GRXCR1: variants seen among roughly 807,000 people sequenced by gnomAD.
GRXCR1 encodes the protein glutaredoxin and cysteine rich domain containing 1.
A neutral mutation model predicts 27.3 loss-of-function variants in GRXCR1; 27 were observed. The ratio of observed to expected loss-of-function variants is 0.99; its 90% CI spans 0.73 to 1.37. GRXCR1 has a LOEUF of 1.37. GRXCR1 is among the 40% of genes most tolerant of loss of function. The pLI, the probability that GRXCR1 is intolerant of heterozygous loss-of-function variation, is 0.00. For synonymous variants in GRXCR1, 122 were observed against 131.1 expected (o/e 0.93, Z 0.47); for missense variants, 379 against 354.4 (o/e 1.07, Z -0.56).
chr4:42,987,556 C>A (rs182539879), intron 2 of GRXCR1, among the ~76,000 whole-genome samples: 7 of 151,974 alleles, frequency 4.6e-5, no homozygotes, highest in Admixed American at 1.3e-4. Flanking sequence ...GTGTTAGGAT[C>A]CACCACCTGG....
intron 1 of GRXCR1, among the ~76,000 whole-genome samples, chr4:42,935,843 A>G (rs572185377): frequency 6.6e-6 from 1 of 152,044 alleles, no homozygotes; most frequent in Non-Finnish European, 1.5e-5. Flanking sequence ...TGCCTTCTCA[A>G]AAGTTGTACA....
At chr4:42,931,233 A>G (rs1235697923) in intron 1 of GRXCR1, among the ~76,000 whole-genome samples, 4 of 152,052 alleles carry the variant, frequency 2.6e-5, no homozygotes, top group Admixed American at 2.6e-4. Flanking sequence ...TTCAATAAGT[A>G]AAATGTACAG....
intron 2 of GRXCR1, among the ~76,000 whole-genome samples, chr4:43,000,061 T>A (rs1025720299): frequency 3.9e-5 from 6 of 152,196 alleles, no homozygotes; most frequent in African/African-American, 1.4e-4. Context: ...AAATCTTAAG[T>A]TGTGCACCGT....
At chr4:42,956,477 A>G (rs2109771844) in intron 1 of GRXCR1, among the ~76,000 whole-genome samples, 1 of 152,100 alleles carries the variant, frequency 6.6e-6, no homozygotes, top group Middle Eastern at 3.4e-3. Flanking sequence ...GCCAAAGGCA[A>G]TATCATTTAA....
At chr4:42,981,697 T>C (rs899692463) in intron 2 of GRXCR1, among the ~76,000 whole-genome samples, 1 of 152,198 alleles carries the variant, frequency 6.6e-6, no homozygotes, top group Admixed American at 6.5e-5. Context: ...TTGCTGGCTA[T>C]AGTATTCTTG....
chr4:42,949,739 C>A (rs1747836910), intron 1 of GRXCR1, among the ~76,000 whole-genome samples: 1 of 152,168 alleles, frequency 6.6e-6, no homozygotes, highest in South Asian at 2.1e-4. Context: ...TTAGGTGACA[C>A]TGGGACCATG....
intron 3 of GRXCR1, among the ~76,000 whole-genome samples, chr4:43,029,641 C>T (rs1354571611): frequency 3.5e-4 from 53 of 152,098 alleles, no homozygotes; most frequent in Admixed American, 3.3e-3. Flanking sequence ...AGATACTTTA[C>T]CTTTGCTTGA....
At position 42,932,587 on chromosome 4, in the gene GRXCR1, TATATATATATATATATATATA is replaced by T. The variant is rs1467269837; in HGVS notation, c.385-30304_385-30284del. Among the ~76,000 whole-genome samples, 277 of 39,904 alleles carry T rather than the reference TATATATATATATATATATATA, an allele frequency of 6.9e-3. 2 individuals carry two copies. The highest frequency in any genetic ancestry group is 0.017 in the African/African-American group (193 of 11,262). The allele number at this position is 39,904 out of a possible 152,430, so 26.2% of individuals were successfully genotyped here. A position where few individuals can be genotyped will look rare whatever the true frequency, so the allele number is the denominator to read the frequency against. On this transcript the variant is annotated intron_variant, in intron 1 of 3. Transcript: ENST00000399770. ...TCTTAAACTCCCTTCCATATATATA[TATATATATATATATATATATA>T]TATATATATATAGAGAGAGAGAGAG... is the stretch of plus-strand genomic sequence containing the variant.
At chr4:43,021,173 A>AT (rs1184822537) in intron 3 of GRXCR1, among the ~76,000 whole-genome samples, 1 of 152,092 alleles carries the variant, frequency 6.6e-6, no homozygotes, top group African/African-American at 2.4e-5. Flanking sequence ...ATTCTCTACC[A>AT]TTCCTTCCAC....
At chr4:42,906,182 AAC>A (rs1354148218) in intron 1 of GRXCR1, among the ~76,000 whole-genome samples, 1 of 152,140 alleles carries the variant, frequency 6.6e-6, no homozygotes, top group Non-Finnish European at 1.5e-5. Flanking sequence ...AGGGCTGGTG[AAC>A]AGTTTTTCAT....
chr4:43,010,836 T>C (rs566371122), intron 2 of GRXCR1, among the ~76,000 whole-genome samples: 1 of 152,340 alleles, frequency 6.6e-6, no homozygotes, highest in East Asian at 1.9e-4. Flanking sequence ...TAAAAACAAG[T>C]TACTAAGGTG....
chr4:42,932,627 G>T (rs1328088100), intron 1 of GRXCR1, among the ~76,000 whole-genome samples: 1,000 of 52,324 alleles, frequency 0.019, 2 homozygotes, highest in Non-Finnish European at 0.025. Context: ...TATAGAGAGA[G>T]AGAGAGAGAG....
At chr4:43,022,801 G>A (rs1012930243) in intron 3 of GRXCR1, among the ~76,000 whole-genome samples, 6 of 152,100 alleles carry the variant, frequency 3.9e-5, no homozygotes, top group Admixed American at 1.3e-4. Context: ...CAGTAGAGTA[G>A]GAGTTCAATT....
chr4:42,970,205 T>A (rs924674345), intron 2 of GRXCR1, among the ~76,000 whole-genome samples: 1 of 152,102 alleles, frequency 6.6e-6, no homozygotes, highest in African/African-American at 2.4e-5. Flanking sequence ...CATGGGCTGG[T>A]ATTGAGTGTC....
chr4:43,030,471 T>G lies in GRXCR1; in HGVS notation c.804T>G (p.Ser268=). 6.2e-7 allele frequency: 1 copy of G among 1,614,158 alleles called. No individual in the cohort carries two copies. Among genetic ancestry groups the G allele is most frequent in the African/African-American group, 1.3e-5 (1 of 75,048 alleles). The change falls in exon 4 of 4, where the codon TCT becomes TCG. Residue 268 remains serine (S), a synonymous_variant. Coordinates refer to ENST00000399770, the MANE Select transcript of GRXCR1 (RefSeq NM_001080476.3). The part of the protein sequence containing the change: ...MSMFRNCFTD[S]FKALKCTACN... Reference sequence around the variant, plus strand: ...TGTTTCGAAACTGCTTCACAGACTCTTTCAAAGCCCTGAAGTGTACGGCTT... The same window carrying G: ...TGTTTCGAAACTGCTTCACAGACTCGTTCAAAGCCCTGAAGTGTACGGCTT...
chr4:43,001,488 G>A (rs1311078360), intron 2 of GRXCR1, among the ~76,000 whole-genome samples: 1 of 152,086 alleles, frequency 6.6e-6, no homozygotes, highest in Non-Finnish European at 1.5e-5. Flanking sequence ...TTCACTCTGA[G>A]GAAGGATTTC....
At chr4:42,986,561 T>A (rs1711730936) in intron 2 of GRXCR1, among the ~76,000 whole-genome samples, 1 of 152,146 alleles carries the variant, frequency 6.6e-6, no homozygotes, top group Non-Finnish European at 1.5e-5. Context: ...TGATGGGTAG[T>A]GAGGGTGGGA....
chr4:42,948,496 T>C (rs1218566718), intron 1 of GRXCR1, among the ~76,000 whole-genome samples: 1 of 152,130 alleles, frequency 6.6e-6, no homozygotes, highest in African/African-American at 2.4e-5. Flanking sequence ...TAGAGCAAGT[T>C]GATAAGCACG....
chr4:42,922,559 T>C (rs1254311368), intron 1 of GRXCR1, among the ~76,000 whole-genome samples: 1 of 152,046 alleles, frequency 6.6e-6, no homozygotes, highest in Non-Finnish European at 1.5e-5. Context: ...TAGAAGAGGA[T>C]GAAGGTTTCA....
Sources: gnomAD v4.1 joint callset for allele counts (sites outside exome capture counted in the v4.1 genomes callset) on GRCh38, gnomAD v4.1.1 for gene constraint, MANE v1.5 for transcripts, NCBI Gene and HGNC (gene_info 2026-07-23, HGNC 2026-07-21) for gene names.